TRIP11: variants seen among roughly 807,000 people sequenced by gnomAD.
TRIP11 encodes the protein thyroid hormone receptor interactor 11.
In TRIP11, 148 loss-of-function variants were observed where a neutral mutation model predicts 223.1. The ratio of observed to expected loss-of-function variants is 0.66; its 90% CI spans 0.58 to 0.76. The LOEUF (loss-of-function observed/expected upper bound fraction) is 0.76. TRIP11 is among the 30% of genes least tolerant of loss of function. The probability of loss-of-function intolerance (pLI) is 0.00; values close to 1 mark genes in which losing one functional copy is unlikely to be tolerated. For missense variants in TRIP11, 2,043 were observed against 2,222.0 expected, an observed-to-expected ratio of 0.92 and a Z score of 1.62; for synonymous variants, 762 against 772.6, an observed-to-expected ratio of 0.99 and a Z score of 0.23.
intron 2 of TRIP11, chr14:92,026,482 C>T (rs939067003): frequency 9.3e-5 from 79 of 847,916 alleles, no homozygotes; most frequent in Non-Finnish European, 1.4e-4. Flanking sequence ...CCTTGCTCGC[C>T]GCAGCCGGCA....
In TRIP11 at chr14:91,968,238, A is replaced by G; in HGVS notation, c.*1435T>C. On this transcript the variant is annotated 3_prime_UTR_variant, in exon 21 of 21. Coordinates refer to ENST00000267622, the MANE Select transcript of TRIP11 (RefSeq NM_004239.4). The stretch of plus-strand genomic sequence containing the variant: ...GTTTCTATTTTAAAAGCATATAGAA[A>G]TTTACAAAATTTGCAAGAAATATCT... 4.9e-6 allele frequency: 1 copy of G among 203,180 alleles called. No homozygotes were observed. Among genetic ancestry groups the G allele is most frequent in the Non-Finnish European group, 1.0e-5 (1 of 98,956 alleles). 12.6% of individuals were successfully genotyped at this position (203,180 alleles called of 1,614,324 possible). A position where few individuals can be genotyped will look rare whatever the true frequency, so the allele number is the denominator to read the frequency against.
chr14:92,037,812 G>C lies in TRIP11; in HGVS notation c.139+1735C>G, dbSNP rs1378113201. On this transcript the variant is annotated intron_variant, in intron 1 of 20. Transcript: ENST00000267622. The surrounding 1 kb of genome is among the most constrained non-coding windows in gnomAD (Gnocchi z 4.2). ...AATTGCTTGAACCCGGGAGGCGAAGGTTGCAGCGAGCCGAGATCGCGCCAC... is the reference window on the plus strand; with the variant it reads ...AATTGCTTGAACCCGGGAGGCGAAGCTTGCAGCGAGCCGAGATCGCGCCAC... 6.6e-6 allele frequency among the ~76,000 whole-genome samples: 1 copy of C among 152,194 alleles called. No individual in the cohort carries two copies. Among genetic ancestry groups the C allele is most frequent in the Non-Finnish European group, 1.5e-5 (1 of 68,026 alleles).
chr14:92,025,519 A>C (rs1024186824), intron 2 of TRIP11, 99 bp from the exon 3 acceptor site: 2 of 763,466 alleles, frequency 2.6e-6, no homozygotes, highest in Middle Eastern at 2.4e-4. Context: ...TCCCCCCCCA[A>C]AAATGTCAAA....
At chr14:92,017,844 A>AT in intron 4 of TRIP11, 94 bp from the exon 5 acceptor site, 1 of 1,122,770 alleles carries the variant, frequency 8.9e-7, no homozygotes, top group Non-Finnish European at 1.3e-6. Context: ...TACTTTTGTA[A>AT]AAAGGGGGAT....
At chr14:91,993,525 T>C (rs1368626553) in intron 15 of TRIP11, among the ~76,000 whole-genome samples, 1 of 144,186 alleles carries the variant, frequency 6.9e-6, no homozygotes, top group Non-Finnish European at 1.5e-5. Context: ...AGTTAAATTA[T>C]AGATTAATTT....
chr14:92,019,212 G>A (rs2057078972), intron 4 of TRIP11, among the ~76,000 whole-genome samples: 1 of 152,040 alleles, frequency 6.6e-6, no homozygotes, highest in Non-Finnish European at 1.5e-5. Context: ...TTCAAGATAT[G>A]CTGAAATGAA....
At chr14:91,974,015 G>A (rs768482611) in intron 19 of TRIP11, among the ~76,000 whole-genome samples, 13 of 152,246 alleles carry the variant, frequency 8.5e-5, no homozygotes, top group South Asian at 2.1e-4. Context: ...GCGACAGAGC[G>A]AGACTCTGTC....
Position 91,975,249 on chromosome 14 carries a change from T to C in TRIP11, c.5380A>G (p.Thr1794Ala). 6.2e-7 allele frequency: 1 copy of C among 1,613,718 alleles called. No individual in the cohort carries two copies. Among genetic ancestry groups the C allele is most frequent in the African/African-American group, 1.3e-5 (1 of 75,002 alleles). ...ACTTCATGACGCTGATTTTTCGGTGTGTGGAAATGACCAATGAAGAGGTTT... is the reference window on the plus strand; with the variant it reads ...ACTTCATGACGCTGATTTTTCGGTGCGTGGAAATGACCAATGAAGAGGTTT... Reference protein sequence around the residue: ...MRNLFIGHFHTPKNQRHEVLR... With the variant: ...MRNLFIGHFHAPKNQRHEVLR... The change falls in exon 18 of 21, where the codon ACA (threonine) becomes GCA (alanine). Residue 1794 changes from threonine (T) to alanine (A), a missense_variant. Coordinates refer to ENST00000267622, the MANE Select transcript of TRIP11 (RefSeq NM_004239.4).
rs74367619 is a variant in TRIP11 at position 91,979,584 on chromosome 14, G to A, written c.5261-3395C>T. 8.7e-3 allele frequency among the ~76,000 whole-genome samples: 1,319 copies of A among 152,222 alleles called. 5 individuals are homozygous for A. The highest frequency in any genetic ancestry group is 0.02 in the South Asian group (98 of 4,822). On this transcript the variant is annotated intron_variant, in intron 16 of 20. Transcript: ENST00000267622. ...CTATCAGAACATACAGTTTGTCCCTGAGCTAATGTGATGTGGAATGCAAAG... is the reference window on the plus strand; with the variant it reads ...CTATCAGAACATACAGTTTGTCCCTAAGCTAATGTGATGTGGAATGCAAAG...
At chr14:91,986,959 T>C (rs1476332619) in intron 16 of TRIP11, among the ~76,000 whole-genome samples, 1 of 152,178 alleles carries the variant, frequency 6.6e-6, no homozygotes, top group Non-Finnish European at 1.5e-5. Flanking sequence ...ATTTTCCTGA[T>C]AGGGCTACAA....
At chr14:92,001,070 A>G (rs1348541307) in intron 11 of TRIP11, among the ~76,000 whole-genome samples, 5 of 152,086 alleles carry the variant, frequency 3.3e-5, no homozygotes, top group African/African-American at 1.2e-4. Flanking sequence ...CATGTTGGCC[A>G]GGCTGATCTC....
rs184264342 is a variant in TRIP11 at position 92,023,752 on chromosome 14, G to A, written c.312+1558C>T. Among the ~76,000 whole-genome samples the A allele has an allele frequency of 1.6e-4, 24 of 152,218 alleles. No homozygotes were observed. In the East Asian group the frequency reaches 4.2e-3, roughly 27 times the overall value. On this transcript the variant is annotated intron_variant, in intron 3 of 20. Coordinates refer to ENST00000267622, the MANE Select transcript of TRIP11 (RefSeq NM_004239.4). Reference sequence around the variant, plus strand: ...GCTACTCAAAATGTGGTCCACAGACGAATGCAGTTGAATGCTCACTACCAG... The same window carrying A: ...GCTACTCAAAATGTGGTCCACAGACAAATGCAGTTGAATGCTCACTACCAG...
chr14:91,997,369 G>A (rs74073654), intron 13 of TRIP11, among the ~76,000 whole-genome samples: 3,576 of 152,222 alleles, frequency 0.023, 134 homozygotes, highest in African/African-American at 0.073. Flanking sequence ...ACCTCCCAGT[G>A]ACTTTACATT....
Position 91,995,442 on chromosome 14 carries a change from C to G in TRIP11, c.4966G>C (p.Ala1656Pro). The G allele has an allele frequency of 6.2e-7, 1 of 1,614,132 alleles. No individual in the cohort carries two copies. The highest frequency in any genetic ancestry group is 1.3e-5 in the African/African-American group (1 of 75,026). ...NVVSKQRDET[A>P]LQLSVSQEQV... ...TCCTGAGAGACAGAAAGCTGCAGCG[C>G]AGTTTCATCCCTTTGCTTGGAAACT... The change falls in exon 14 of 21, where the codon GCG becomes CCG. Residue 1656 changes from alanine to proline, a missense_variant. Ala to Pro is a conservative substitution (Grantham distance 27). Coordinates refer to ENST00000267622, the MANE Select transcript of TRIP11 (RefSeq NM_004239.4).
intron 2 of TRIP11, 135 bp from the exon 3 acceptor site, chr14:92,025,555 G>A: frequency 7.5e-6 from 5 of 662,714 alleles, no homozygotes; most frequent in Non-Finnish European, 1.3e-5. Flanking sequence ...ACAGAATTCT[G>A]GACTTTAAAA....
At chr14:92,034,791 C>T (rs990607135) in intron 1 of TRIP11, among the ~76,000 whole-genome samples, 4 of 152,158 alleles carry the variant, frequency 2.6e-5, no homozygotes, top group African/African-American at 9.7e-5. Flanking sequence ...TGCGACCACA[C>T]CTACCTAATT....
chr14:92,026,480 G>A (rs1566873075), intron 2 of TRIP11: 6 of 824,972 alleles, frequency 7.3e-6, no homozygotes, highest in South Asian at 2.7e-5. Flanking sequence ...CTCCTTGCTC[G>A]CCGCAGCCGG....
In TRIP11 at chr14:92,026,692, G is replaced by T. The variant is rs1319328423; in HGVS notation, c.202-1272C>A. 1.9e-4 allele frequency: 195 copies of T among 1,026,844 alleles called. 1 individual carries two copies. The highest frequency in any genetic ancestry group is 4.5e-5 in the Non-Finnish European group (29 of 650,030). The allele number at this position is 1,026,844 out of a possible 1,614,324, so 63.6% of individuals were successfully genotyped here. A position where few individuals can be genotyped will look rare whatever the true frequency, so the allele number is the denominator to read the frequency against. ...TGCTGACGAGGAAAATGGGGAGCAA[G>T]AGGCTGACAATGAAGTAGATGAAGA... On this transcript the variant is annotated intron_variant, in intron 2 of 20. Transcript: ENST00000267622.
In TRIP11 at chr14:91,973,025, C is replaced by CTTTT. The variant is rs142203489; in HGVS notation, c.5575-168_5575-165dup. On this transcript the variant is annotated intron_variant, in intron 19 of 20. Transcript: ENST00000267622. ...TTATGAACAATTGAAAATACTGGCA[C>CTTTT]TTTTTTTTTTTTTTTTTTGAGACGG... is the stretch of plus-strand genomic sequence containing the variant. Among the ~76,000 whole-genome samples the CTTTT allele has an allele frequency of 9.2e-3, 1,210 of 131,324 alleles. 20 individuals carry two copies. The highest frequency in any genetic ancestry group is 0.032 in the South Asian group (131 of 4,136). The allele number at this position is 131,324 out of a possible 152,430, so 86.2% of individuals were successfully genotyped here. A position where few individuals can be genotyped will look rare whatever the true frequency, so the allele number is the denominator to read the frequency against.
Sources: allele counts gnomAD v4.1 joint callset (sites outside exome capture counted in the v4.1 genomes callset), GRCh38; gene constraint gnomAD v4.1.1; non-coding constraint Gnocchi (gnomAD v3.1); transcripts MANE v1.5; gene names NCBI Gene and HGNC (gene_info 2026-07-23, HGNC 2026-07-21).